AFG1L: variants seen among roughly 807,000 people sequenced by gnomAD.
The protein encoded by AFG1L is AFG1 like ATPase, also known as AFG1-like ATPase.
In AFG1L, 53 loss-of-function variants were observed where a neutral mutation model predicts 62.2. The observed-to-expected ratio is 0.85, with a 90% CI of 0.68 to 1.07. AFG1L has a LOEUF of 1.07. Ranked by LOEUF, AFG1L falls within the 50% of genes least tolerant of loss-of-function variation. AFG1L has a pLI of 0.00. For missense variants in AFG1L, 555 were observed against 590.5 expected (o/e 0.94, Z 0.62); for synonymous variants, 228 against 210.3 (o/e 1.08, Z -0.73).
intron 8 of AFG1L, 77 bp from the exon 9 acceptor site, chr6:108,476,788 T>G (rs1448897182): frequency 9.9e-7 from 1 of 1,008,314 alleles, no homozygotes; most frequent in African/African-American, 1.6e-5. Context: ...GGCAAAAAGC[T>G]AAGCAGTCTC....
chr6:108,511,783 A>G (rs769002027), intron 11 of AFG1L, among the ~76,000 whole-genome samples: 4 of 152,222 alleles, frequency 2.6e-5, no homozygotes, highest in Non-Finnish European at 5.9e-5. Flanking sequence ...GAGAGGTGAC[A>G]ATTTAATGTT....
intron 6 of AFG1L, 56 bp downstream of exon 6, chr6:108,366,388 T>TGGCCTGAGC: frequency 9.5e-7 from 1 of 1,051,664 alleles, no homozygotes; most frequent in Non-Finnish European, 1.4e-6. Context: ...AACAAGCTTT[T>TGGCCTGAGC]AAAAATCCAT....
intron 6 of AFG1L, among the ~76,000 whole-genome samples, chr6:108,400,848 CAAATATATATAATATATAAAATAT>C (rs1157200616): frequency 1.0e-4 from 2 of 19,810 alleles, no homozygotes; most frequent in African/African-American, 2.9e-3. Context: ...ATATATAATG[CAAATATATATAATATATAAAATAT>C]ATATTTATAT....
chr6:108,400,704 T>A (rs1177213633), intron 6 of AFG1L, among the ~76,000 whole-genome samples: 2 of 124,026 alleles, frequency 1.6e-5, no homozygotes, highest in East Asian at 2.0e-4. Flanking sequence ...TATATATTAT[T>A]ATATATATTT....
At chr6:108,501,325 G>A (rs1774192225) in intron 10 of AFG1L, among the ~76,000 whole-genome samples, 1 of 152,132 alleles carries the variant, frequency 6.6e-6, no homozygotes, top group Non-Finnish European at 1.5e-5. Flanking sequence ...CCATCTATGT[G>A]AACAAGAATC....
At chr6:108,371,026 G>A (rs1779979848) in intron 6 of AFG1L, among the ~76,000 whole-genome samples, 1 of 152,086 alleles carries the variant, frequency 6.6e-6, no homozygotes, top group African/African-American at 2.4e-5. Context: ...GAGGGAATAA[G>A]GTACCAAAGA....
intron 10 of AFG1L, among the ~76,000 whole-genome samples, chr6:108,485,647 T>TTTTTTAA (rs1562189798): frequency 3.1e-4 from 7 of 22,454 alleles, no homozygotes; most frequent in African/African-American, 1.6e-3. Flanking sequence ...TATATATATA[T>TTTTTTAA]ATATATATAT....
At chr6:108,443,188 G>C (rs1771619219) in intron 7 of AFG1L, among the ~76,000 whole-genome samples, 5 of 152,200 alleles carry the variant, frequency 3.3e-5, no homozygotes, top group Admixed American at 3.3e-4. Context: ...CTCAGTAAGA[G>C]TGGCTACAGC....
chr6:108,480,560 G>A (rs1773286774), intron 10 of AFG1L, among the ~76,000 whole-genome samples: 1 of 152,126 alleles, frequency 6.6e-6, no homozygotes, highest in African/African-American at 2.4e-5. Flanking sequence ...TCATTTGGGA[G>A]GCCGAGGCAG....
At chr6:108,347,149 G>C in intron 3 of AFG1L, 110 bp downstream of exon 3, 1 of 920,246 alleles carries the variant, frequency 1.1e-6, no homozygotes, top group African/African-American at 1.7e-5. Flanking sequence ...AAGGGAATAG[G>C]ATGAGGCAGG....
chr6:108,446,099 CA>C (rs1562166699), intron 7 of AFG1L, among the ~76,000 whole-genome samples: 14 of 130,266 alleles, frequency 1.1e-4, no homozygotes, highest in Middle Eastern at 3.8e-3. Context: ...CACACACACA[CA>C]CACCCCTACA....
At chr6:108,390,726 AG>A (rs1233654620) in intron 6 of AFG1L, among the ~76,000 whole-genome samples, 1 of 152,208 alleles carries the variant, frequency 6.6e-6, no homozygotes, top group Admixed American at 6.5e-5. Flanking sequence ...TTCCTCTGGA[AG>A]CTTCGTCTCA....
At chr6:108,328,771 C>A (rs563761510) in intron 2 of AFG1L, among the ~76,000 whole-genome samples, 1 of 152,228 alleles carries the variant, frequency 6.6e-6, no homozygotes, top group East Asian at 1.9e-4. Flanking sequence ...TAACTATTAA[C>A]TTATTTGGTT....
intron 5 of AFG1L, among the ~76,000 whole-genome samples, chr6:108,361,226 G>T (rs111327500): frequency 4.9e-4 from 74 of 152,332 alleles, no homozygotes; most frequent in African/African-American, 1.7e-3. Flanking sequence ...CATTGCTCTG[G>T]CACTGGGAGC....
chr6:108,513,634 G>A (rs941224378), intron 11 of AFG1L, among the ~76,000 whole-genome samples: 2 of 152,188 alleles, frequency 1.3e-5, no homozygotes, highest in Admixed American at 6.5e-5. Context: ...ACTGGGTGGA[G>A]CCCACTGCAG....
chr6:108,420,043 C>A (rs1770517605), intron 7 of AFG1L, among the ~76,000 whole-genome samples: 9 of 152,086 alleles, frequency 5.9e-5, no homozygotes, highest in Admixed American at 5.9e-4. Context: ...TTGTAACTTT[C>A]AATACCAGAG....
intron 10 of AFG1L, among the ~76,000 whole-genome samples, chr6:108,506,757 T>C (rs1261739659): frequency 6.6e-6 from 1 of 152,248 alleles, no homozygotes; most frequent in Non-Finnish European, 1.5e-5. Context: ...TTATAATGTA[T>C]TGCTTTTTAA....
chr6:108,468,038 TC>T (rs1405686138), intron 8 of AFG1L, among the ~76,000 whole-genome samples: 1 of 152,218 alleles, frequency 6.6e-6, no homozygotes, highest in Non-Finnish European at 1.5e-5. Context: ...CCCATATTTA[TC>T]CCTTCTCCCA....
chr6:108,312,611 C>T (rs1777454643), intron 1 of AFG1L, among the ~76,000 whole-genome samples: 1 of 152,100 alleles, frequency 6.6e-6, no homozygotes, highest in Non-Finnish European at 1.5e-5. Flanking sequence ...GATATTGAAT[C>T]CAGTCCAACT....
Sources: gnomAD v4.1 joint callset for allele counts (sites outside exome capture counted in the v4.1 genomes callset) on GRCh38, gnomAD v4.1.1 for gene constraint, MANE v1.5 for transcripts, NCBI Gene and HGNC (gene_info 2026-07-23, HGNC 2026-07-21) for gene names.